CADM1: variants seen among roughly 807,000 people sequenced by gnomAD.
CADM1 encodes the protein TSLC-1.
CADM1 carries 15 observed loss-of-function variants against 53.1 expected under a neutral mutation model. The observed-to-expected ratio is 0.28, with a 90% CI of 0.19 to 0.44. CADM1 has a LOEUF of 0.44. Ranked by LOEUF, CADM1 falls within the 20% of genes least tolerant of loss-of-function variation. The pLI is 1.00. For synonymous variants in CADM1, 281 were observed against 243.0 expected, an observed-to-expected ratio of 1.16 and a Z score of -1.45; for missense variants, 434 against 611.3, an observed-to-expected ratio of 0.71 and a Z score of 3.06.
chr11:115,239,067 C>T (rs548146763), intron 2 of CADM1, among the ~76,000 whole-genome samples: 38 of 152,030 alleles, frequency 2.5e-4, no homozygotes, highest in Non-Finnish European at 4.0e-4. Flanking sequence ...GGCCCCCTAG[C>T]CTTTGGGCAC....
At chr11:115,290,477 T>C (rs1943860272) in intron 1 of CADM1, among the ~76,000 whole-genome samples, 1 of 152,176 alleles carries the variant, frequency 6.6e-6, no homozygotes, top group Non-Finnish European at 1.5e-5. Flanking sequence ...ACCTCATTTG[T>C]GATTTTGAGT....
intron 8 of CADM1, among the ~76,000 whole-genome samples, chr11:115,202,015 C>A (rs1940454639): frequency 6.6e-6 from 1 of 152,120 alleles, no homozygotes. Flanking sequence ...TTGAAAGATG[C>A]ACATTCTACT....
In CADM1 at chr11:115,240,149, A is replaced by G. The variant is rs76073136; in HGVS notation, c.271+125T>C. The G allele has an allele frequency of 2.8e-3, 2,425 of 858,516 alleles. 44 individuals are homozygous for G. The African/African-American group carries it at 0.034, about 12-fold the overall frequency. 53.2% of individuals were successfully genotyped at this position (858,516 alleles called of 1,614,324 possible). A position where few individuals can be genotyped will look rare whatever the true frequency, so the allele number is the denominator to read the frequency against. The stretch of plus-strand genomic sequence containing the variant: ...TGATTGCCTGTCTCTTCTTCCCTCT[A>G]AAGAACTGACTAAACTTTAAGCATC... On this transcript the variant is annotated intron_variant, in intron 2 of 11. Transcript: ENST00000331581.
At chr11:115,444,427 T>C (rs2135332569) in intron 1 of CADM1, among the ~76,000 whole-genome samples, 1 of 152,326 alleles carries the variant, frequency 6.6e-6, no homozygotes, top group South Asian at 2.1e-4. Context: ...TAAATGACAG[T>C]TTCCATTTGT....
At chr11:115,201,043 C>A (rs1017587814) in intron 8 of CADM1, among the ~76,000 whole-genome samples, 1 of 152,088 alleles carries the variant, frequency 6.6e-6, no homozygotes, top group Admixed American at 6.6e-5. Context: ...CTTGCTTCCC[C>A]GTTCTGGGGA....
At chr11:115,239,857 A>G (rs148857131) in intron 2 of CADM1, among the ~76,000 whole-genome samples, 76 of 152,216 alleles carry the variant, frequency 5.0e-4, no homozygotes, top group African/African-American at 1.7e-3. Flanking sequence ...GGACACTTCT[A>G]TATGCCAAAG....
chr11:115,330,607 T>G (rs768512289), intron 1 of CADM1, among the ~76,000 whole-genome samples: 3 of 152,062 alleles, frequency 2.0e-5, no homozygotes, highest in Non-Finnish European at 4.4e-5. Context: ...CTATTCTGAG[T>G]GTTGGGGATT....
intron 1 of CADM1, among the ~76,000 whole-genome samples, chr11:115,486,410 G>C (rs1027063868): frequency 2.0e-5 from 3 of 152,118 alleles, no homozygotes; most frequent in African/African-American, 7.2e-5. Context: ...GAGTGCAGTG[G>C]TGCAATCACA....
chr11:115,504,096 C>T (rs1212193536), intron 1 of CADM1, among the ~76,000 whole-genome samples, 175 bp downstream of exon 1: 1 of 152,190 alleles, frequency 6.6e-6, no homozygotes, highest in Non-Finnish European at 1.5e-5. Context: ...AGAAGGGGCT[C>T]ACAGATGCCC....
At chr11:115,369,096 G>A (rs923788433) in intron 1 of CADM1, among the ~76,000 whole-genome samples, 5 of 140,468 alleles carry the variant, frequency 3.6e-5, no homozygotes, top group Non-Finnish European at 4.6e-5. Context: ...TCCTAAAAAC[G>A]GAAGCCTCTT....
At chr11:115,449,608 T>C (rs1948527316) in intron 1 of CADM1, among the ~76,000 whole-genome samples, 1 of 152,214 alleles carries the variant, frequency 6.6e-6, no homozygotes, top group South Asian at 2.1e-4. Context: ...GTAAGCTTCT[T>C]GTAATTTTCC....
intron 1 of CADM1, among the ~76,000 whole-genome samples, chr11:115,503,965 T>G (rs1293734507): frequency 6.6e-6 from 1 of 151,966 alleles, no homozygotes; most frequent in East Asian, 2.0e-4. Context: ...CCTTCCCCCA[T>G]GCTTTACAGC....
intron 1 of CADM1, among the ~76,000 whole-genome samples, chr11:115,277,911 G>T (rs1380056133): frequency 6.6e-6 from 1 of 152,102 alleles, no homozygotes; most frequent in Non-Finnish European, 1.5e-5. Context: ...TTTCTCTACT[G>T]CTTGCCAATG....
At chr11:115,203,146 A>AT (rs71936114) in intron 8 of CADM1, among the ~76,000 whole-genome samples, 14,899 of 147,850 alleles carry the variant, frequency 0.1, 1,040 homozygotes, top group East Asian at 0.31. Flanking sequence ...ACGGGGGATG[A>AT]TTTTTTTTTT....
chr11:115,310,794 C>T (rs1283086466), intron 1 of CADM1, among the ~76,000 whole-genome samples: 1 of 152,102 alleles, frequency 6.6e-6, no homozygotes, highest in Admixed American at 6.6e-5. Flanking sequence ...CAAATACCTG[C>T]TTCAATAAAA....
chr11:115,180,627 ATTTT>A (rs112512887), intron 10 of CADM1, among the ~76,000 whole-genome samples: 1 of 145,652 alleles, frequency 6.9e-6, no homozygotes, highest in South Asian at 2.2e-4. Context: ...CGGTCAAGGG[ATTTT>A]TTTTTTTTTC....
chr11:115,230,212 T>C (rs1235779630), intron 4 of CADM1, among the ~76,000 whole-genome samples: 3 of 152,188 alleles, frequency 2.0e-5, no homozygotes, highest in African/African-American at 7.2e-5. Flanking sequence ...TATAGATTTA[T>C]CTGCTTCCAG....
intron 1 of CADM1, chr11:115,399,583 CTAATA>C (rs1382167680): frequency 2.0e-5 from 3 of 152,156 alleles, no homozygotes; most frequent in Admixed American, 2.0e-4. Context: ...ACTTTACCTA[CTAATA>C]TATTAAAACA....
At chr11:115,407,071 C>T (rs1947335139) in intron 1 of CADM1, among the ~76,000 whole-genome samples, 1 of 152,004 alleles carries the variant, frequency 6.6e-6, no homozygotes, top group Non-Finnish European at 1.5e-5. Context: ...TCCCATATCA[C>T]ACTAAAGTAT....
Sources: allele counts gnomAD v4.1 joint callset (sites outside exome capture counted in the v4.1 genomes callset), GRCh38; gene constraint gnomAD v4.1.1; transcripts MANE v1.5; gene names NCBI Gene and HGNC (gene_info 2026-07-23, HGNC 2026-07-21).